Variants in GTF2F2 observed in about 807,000 individuals in gnomAD.
The protein encoded by GTF2F2 is ATP-dependent helicase GTF2F2.
In GTF2F2, 23 loss-of-function variants were observed where a neutral mutation model predicts 42.2. The observed-to-expected ratio is 0.55, with a 90% confidence interval of 0.39 to 0.77. GTF2F2 has a LOEUF of 0.77. GTF2F2 is among the 30% of genes least tolerant of loss of function. The pLI is 0.00. For synonymous variants in GTF2F2, 105 were observed against 100.8 expected (o/e 1.04, Z -0.25); for missense variants, 261 against 287.2 (o/e 0.91, Z 0.66).
At chr13:45,241,605 T>A (rs1593512674) in intron 5 of GTF2F2, among the ~76,000 whole-genome samples, 1 of 152,194 alleles carries the variant, frequency 6.6e-6, no homozygotes, top group African/African-American at 2.4e-5. Flanking sequence ...TATTGGACAG[T>A]TCAAGTCAAT....
At chr13:45,122,791 C>G (rs1056159359) in intron 1 of GTF2F2, among the ~76,000 whole-genome samples, 1 of 152,070 alleles carries the variant, frequency 6.6e-6, no homozygotes, top group African/African-American at 2.4e-5. Context: ...GAGTTCTGAT[C>G]TTTGTTGCTA....
At chr13:45,229,563 A>G (rs1874563205) in intron 5 of GTF2F2, among the ~76,000 whole-genome samples, 1 of 152,134 alleles carries the variant, frequency 6.6e-6, no homozygotes, top group Non-Finnish European at 1.5e-5. Context: ...TAGTATAAAT[A>G]TGTATTAATA....
At chr13:45,199,882 A>G (rs1024145584) in intron 4 of GTF2F2, among the ~76,000 whole-genome samples, 1 of 152,120 alleles carries the variant, frequency 6.6e-6, no homozygotes. Flanking sequence ...TTCAGTGATG[A>G]GGTGGTGTGG....
chr13:45,168,102 A>C (rs9534050), intron 4 of GTF2F2, among the ~76,000 whole-genome samples: 26,134 of 152,160 alleles, frequency 0.17, 2,574 homozygotes, highest in Non-Finnish European at 0.22. Context: ...CAAAGAAAAA[A>C]GTCTGGTTTA....
intron 2 of GTF2F2, among the ~76,000 whole-genome samples, chr13:45,140,961 T>A (rs968539038): frequency 1.3e-5 from 2 of 152,248 alleles, no homozygotes; most frequent in South Asian, 2.1e-4. Context: ...CTTACACTTC[T>A]TGTTTGTAAA....
chr13:45,268,298 T>TA (rs1390243120), intron 7 of GTF2F2, among the ~76,000 whole-genome samples: 1 of 152,190 alleles, frequency 6.6e-6, no homozygotes, highest in African/African-American at 2.4e-5. Context: ...TAACCAATTT[T>TA]AAAAAACATC....
intron 2 of GTF2F2, among the ~76,000 whole-genome samples, chr13:45,145,373 T>A (rs1566113358): frequency 6.6e-6 from 1 of 152,224 alleles, no homozygotes; most frequent in African/African-American, 2.4e-5. Context: ...GCCCTGGAGT[T>A]AGCCATTTCT....
chr13:45,160,328 A>G (rs898388146), intron 4 of GTF2F2, among the ~76,000 whole-genome samples: 2 of 152,206 alleles, frequency 1.3e-5, no homozygotes, highest in Non-Finnish European at 2.9e-5. Flanking sequence ...AAAAGGGAGG[A>G]GTAATTAGTA....
At chr13:45,128,763 T>C (rs913428882) in intron 1 of GTF2F2, among the ~76,000 whole-genome samples, 8 of 151,900 alleles carry the variant, frequency 5.3e-5, no homozygotes, top group Non-Finnish European at 7.4e-5. Flanking sequence ...CTAGATAATT[T>C]TTAAATTTTT....
At chr13:45,274,482 A>C (rs906649483) in intron 7 of GTF2F2, among the ~76,000 whole-genome samples, 1 of 151,868 alleles carries the variant, frequency 6.6e-6, no homozygotes, top group Non-Finnish European at 1.5e-5. Context: ...ACATGCCACC[A>C]CACCTAGCTA....
intron 4 of GTF2F2, among the ~76,000 whole-genome samples, chr13:45,186,490 A>G (rs781224620): frequency 1.3e-5 from 2 of 150,838 alleles, no homozygotes; most frequent in African/African-American, 4.9e-5. Context: ...ACGGGGTTTC[A>G]TCATGTTGGC....
intron 5 of GTF2F2, among the ~76,000 whole-genome samples, chr13:45,244,891 C>T (rs541089268): frequency 8.5e-5 from 13 of 152,230 alleles, no homozygotes; most frequent in East Asian, 3.9e-4. Context: ...AGACTGGTCT[C>T]GAGCTCCTAA....
intron 6 of GTF2F2, among the ~76,000 whole-genome samples, chr13:45,259,910 G>T (rs532583805): frequency 5.5e-4 from 84 of 151,964 alleles, no homozygotes; most frequent in South Asian, 3.5e-3. Context: ...CTTTTAAAAA[G>T]AATTAATATT....
chr13:45,186,504 G>A (rs890264402), intron 4 of GTF2F2, among the ~76,000 whole-genome samples: 3 of 151,230 alleles, frequency 2.0e-5, no homozygotes, highest in African/African-American at 7.3e-5. Context: ...TGTTGGCCAA[G>A]CTGGTCTCGA....
At chr13:45,192,014 G>A (rs968433363) in intron 4 of GTF2F2, among the ~76,000 whole-genome samples, 1 of 152,070 alleles carries the variant, frequency 6.6e-6, no homozygotes, top group African/African-American at 2.4e-5. Flanking sequence ...TGCTCTGACA[G>A]TAAATCACTA....
intron 5 of GTF2F2, among the ~76,000 whole-genome samples, chr13:45,238,246 C>T (rs1593510313): frequency 6.6e-6 from 1 of 152,158 alleles, no homozygotes; most frequent in South Asian, 2.1e-4. Flanking sequence ...TGAGCCACCA[C>T]GCCCGGCCTG....
At chr13:45,195,870 G>A (rs1437540042) in intron 4 of GTF2F2, among the ~76,000 whole-genome samples, 2 of 151,972 alleles carry the variant, frequency 1.3e-5, no homozygotes, top group African/African-American at 4.8e-5. Context: ...TGCCCAGACG[G>A]GTCTCAAACT....
chr13:45,254,010 C>T (rs1033803878), intron 6 of GTF2F2, among the ~76,000 whole-genome samples: 5 of 149,172 alleles, frequency 3.4e-5, no homozygotes, highest in African/African-American at 1.2e-4. Flanking sequence ...TGCAGTGAGC[C>T]GAGATCACGC....
intron 4 of GTF2F2, among the ~76,000 whole-genome samples, chr13:45,191,215 C>CAAAAAAAAAAAAA (rs1158010068): frequency 5.3e-5 from 4 of 74,904 alleles, no homozygotes; most frequent in African/African-American, 3.4e-4. Flanking sequence ...ACTAAAAATA[C>CAAAAAAAAAAAAA]AAAAAAAAAA....
Sources: gnomAD v4.1 joint callset for allele counts (sites outside exome capture counted in the v4.1 genomes callset) on GRCh38, gnomAD v4.1.1 for gene constraint, MANE v1.5 for transcripts, NCBI Gene and HGNC (gene_info 2026-07-23, HGNC 2026-07-21) for gene names.